The following DPY19L1 variants were observed in gnomAD, a reference collection of about 807,000 sequenced individuals.
The protein encoded by DPY19L1 is protein C-mannosyl-transferase DPY19L1.
Under a neutral mutation model 96.9 loss-of-function variants are expected in DPY19L1, and 35 were observed. The observed-to-expected ratio is 0.36, with a 90% CI of 0.28 to 0.48. The LOEUF (loss-of-function observed/expected upper bound fraction) is 0.48. Ranked by LOEUF, DPY19L1 falls within the 20% of genes least tolerant of loss-of-function variation. DPY19L1 has a pLI of 0.99. For missense variants in DPY19L1, 521 were observed against 777.9 expected (o/e 0.67, Z 3.93); for synonymous variants, 205 against 252.6 (o/e 0.81, Z 1.79).
chr7:35,028,168 T>C (rs539934161), intron 1 of DPY19L1, among the ~76,000 whole-genome samples: 35 of 152,296 alleles, frequency 2.3e-4, no homozygotes, highest in Non-Finnish European at 4.7e-4. Flanking sequence ...GGCACATGAC[T>C]GGGATACAGC....
chr7:35,023,884 G>A (rs930025628), intron 1 of DPY19L1, among the ~76,000 whole-genome samples: 1 of 135,252 alleles, frequency 7.4e-6, no homozygotes, highest in African/African-American at 2.8e-5. Context: ...CACCCAGGCT[G>A]GAGTACAGTG....
At chr7:34,997,316 G>C (rs1785309125) in intron 6 of DPY19L1, among the ~76,000 whole-genome samples, 1 of 150,214 alleles carries the variant, frequency 6.7e-6, no homozygotes, top group Non-Finnish European at 1.5e-5. Context: ...AAAAAGGCCA[G>C]GCACAGTGGC....
At chr7:35,024,592 G>T (rs1318768941) in intron 1 of DPY19L1, among the ~76,000 whole-genome samples, 8 of 151,976 alleles carry the variant, frequency 5.3e-5, no homozygotes, top group Non-Finnish European at 1.2e-4. Flanking sequence ...GCCCACACTG[G>T]CCTATTTCCA....
intron 11 of DPY19L1, among the ~76,000 whole-genome samples, chr7:34,957,599 CAAGA>C (rs1784406214): frequency 1.2e-5 from 1 of 82,672 alleles, no homozygotes. Context: ...AAAAACAAAA[CAAGA>C]AAAACAAAAC....
In DPY19L1 at chr7:34,942,281, A is replaced by G. The variant is rs561457804; in HGVS notation, c.1569+334T>C. Among the ~76,000 whole-genome samples the G allele has an allele frequency of 7.9e-5, 12 of 152,270 alleles. No individual in the cohort carries two copies. In the East Asian group the frequency reaches 1.9e-3, roughly 25 times the overall value. On this transcript the variant is annotated intron_variant, in intron 17 of 21. Transcript: ENST00000638088. Reference sequence around the variant, plus strand: ...AACTAGGAGATGGGAGCAGTAACCAATCACATCTCTGAGGCCTCAAGCAAG... The same window carrying G: ...AACTAGGAGATGGGAGCAGTAACCAGTCACATCTCTGAGGCCTCAAGCAAG...
intron 6 of DPY19L1, among the ~76,000 whole-genome samples, chr7:35,008,214 CCTGT>C (rs1261629072): frequency 1.3e-5 from 2 of 152,276 alleles, no homozygotes; most frequent in South Asian, 2.1e-4. Flanking sequence ...ATTTTTCCTT[CCTGT>C]CTATCTTCCA....
At chr7:35,000,173 G>A (rs1217211349) in intron 6 of DPY19L1, among the ~76,000 whole-genome samples, 1 of 152,038 alleles carries the variant, frequency 6.6e-6, no homozygotes, top group Non-Finnish European at 1.5e-5. Flanking sequence ...CTTGATCTTT[G>A]CCAAAAAATA....
chr7:35,010,400 A>C, intron 6 of DPY19L1, 68 bp downstream of exon 6: 1 of 850,026 alleles, frequency 1.2e-6, no homozygotes, highest in South Asian at 1.7e-5. Flanking sequence ...TTAATCAATG[A>C]TTAACTATTA....
In DPY19L1 at chr7:34,938,119, T is replaced by C; in HGVS notation, c.1965A>G (p.Arg655=). The C allele has an allele frequency of 6.2e-7, 1 of 1,611,254 alleles. No homozygotes were observed. Among genetic ancestry groups the C allele is most frequent in the African/African-American group, 1.3e-5 (1 of 74,782 alleles). The part of the protein sequence containing the change: ...NHPHYEDAGL[R]ARTKIVYSMY... ...TTGAGTATACTATTTTTGTTCTGGC[T>C]CTTTAAAGAAAAATAATTGGGCATA... Residue 655 remains arginine, a splice_region_variant and synonymous_variant, in exon 21 of 22, where the codon AGA becomes AGG. Transcript: ENST00000638088.
chr7:35,023,727 C>T (rs1427185608), intron 1 of DPY19L1, among the ~76,000 whole-genome samples: 1 of 152,092 alleles, frequency 6.6e-6, no homozygotes, highest in Non-Finnish European at 1.5e-5. Context: ...CCAGCCTGAG[C>T]TCCTTCCACT....
At chr7:35,019,213 T>C (rs1003983826) in intron 1 of DPY19L1, among the ~76,000 whole-genome samples, 6 of 152,156 alleles carry the variant, frequency 3.9e-5, no homozygotes, top group Non-Finnish European at 8.8e-5. Context: ...TCTCACAAGA[T>C]ACAGCTGATG....
rs528553196 is a variant in DPY19L1, at chr7:34,959,874, AAT to A, written c.1093-1806_1093-1805del. On this transcript the variant is annotated intron_variant, in intron 10 of 21. Transcript: ENST00000638088. ...AACTTAAAGTATATATATATATTTT[AAT>A]ATATATGTTTATTTGTATATAAATA... Among the ~76,000 whole-genome samples, 329 of 138,778 alleles carry A rather than the reference AAT, an allele frequency of 2.4e-3. 3 individuals carry two copies. Among genetic ancestry groups the A allele is most frequent in the African/African-American group, 8.2e-3 (310 of 37,936 alleles). The allele number at this position is 138,778 out of a possible 152,430, so 91.0% of individuals were successfully genotyped here.
intron 6 of DPY19L1, among the ~76,000 whole-genome samples, chr7:34,997,474 G>A (rs1280471616): frequency 1.3e-5 from 2 of 149,908 alleles, no homozygotes; most frequent in Non-Finnish European, 1.5e-5. Flanking sequence ...GCTGGGCGTG[G>A]TGCCAGGCGC....
intron 3 of DPY19L1, among the ~76,000 whole-genome samples, chr7:35,017,671 C>CA (rs1562828428): frequency 1.3e-5 from 2 of 148,250 alleles, no homozygotes; most frequent in Admixed American, 6.8e-5. Context: ...GACTCCGTCT[C>CA]GAAAAAAAAA....
At chr7:34,938,154 A>T (rs1025677103) in intron 20 of DPY19L1, 35 bp from the exon 21 acceptor site, 2 of 1,596,620 alleles carry the variant, frequency 1.3e-6, no homozygotes, top group Non-Finnish European at 1.7e-6. Flanking sequence ...AAAATTTTCA[A>T]GACTAAAACG....
Position 34,938,003 on chromosome 7 carries a change from C to G in DPY19L1, c.2081G>C (p.Arg694Thr). 2.5e-6 allele frequency: 4 copies of G among 1,613,442 alleles called. No individual in the cohort carries two copies. The highest frequency in any genetic ancestry group is 3.4e-6 in the Non-Finnish European group (4 of 1,179,842). Residue 694 changes from arginine (R) to threonine (T), a missense_variant, in exon 21 of 22, where the codon AGA becomes ACA. Coordinates refer to ENST00000638088, the MANE Select transcript of DPY19L1 (RefSeq NM_001366673.1). ...YYILEESWCV[R>T]RSKPGCSMPE... Reference sequence around the variant, plus strand: ...CTGTGTTGATACTCACTTGGATCTTCTTACACACCATGACTCTTCTAGAAT... The same window carrying G: ...CTGTGTTGATACTCACTTGGATCTTGTTACACACCATGACTCTTCTAGAAT...
At chr7:35,010,971 T>C (rs959220484) in intron 5 of DPY19L1, among the ~76,000 whole-genome samples, 6 of 152,322 alleles carry the variant, frequency 3.9e-5, no homozygotes, top group Middle Eastern at 3.4e-3. Context: ...TCTGAGGTAC[T>C]TTGCTTTCAA....
intron 4 of DPY19L1, among the ~76,000 whole-genome samples, chr7:35,012,645 T>C (rs1785739692): frequency 6.6e-6 from 1 of 151,880 alleles, no homozygotes; most frequent in African/African-American, 2.4e-5. Context: ...AAAATGTAAA[T>C]TAAAAAAAAT....
At chr7:34,932,592 T>C (rs559845289) in intron 21 of DPY19L1, among the ~76,000 whole-genome samples, 3 of 152,292 alleles carry the variant, frequency 2.0e-5, no homozygotes, top group African/African-American at 7.2e-5. Flanking sequence ...CTAGAATGAA[T>C]CAATTTAAAG....
Sources: gnomAD v4.1 joint callset for allele counts (sites outside exome capture counted in the v4.1 genomes callset) on GRCh38, gnomAD v4.1.1 for gene constraint, MANE v1.5 for transcripts, NCBI Gene and HGNC (gene_info 2026-07-23, HGNC 2026-07-21) for gene names.